C3AR1: variants seen among roughly 807,000 people sequenced by gnomAD.
C3AR1 encodes the protein C3a anaphylatoxin chemotactic receptor.
For missense variants in C3AR1, 579 were observed against 583.5 expected, an observed-to-expected ratio of 0.99 and a Z score of 0.08; for synonymous variants, 208 against 225.3, an observed-to-expected ratio of 0.92 and a Z score of 0.69.
At chr12:8,060,877 C>T (rs1204578622) in intron 1 of C3AR1, among the ~76,000 whole-genome samples, 1 of 152,160 alleles carries the variant, frequency 6.6e-6, no homozygotes, top group Non-Finnish European at 1.5e-5. Flanking sequence ...AATAAGTAAA[C>T]ACACAAAAAT....
rs746183608 is a variant in C3AR1, at chr12:8,065,199, A to C, written c.-11+1079T>G. ...AAAAAAAAGATATATGGTATTGCTA[A>C]TAAAGGGGAAGCTGCCGAGAACTGC... On this transcript the variant is annotated intron_variant, in intron 1 of 1. Coordinates refer to ENST00000307637, the MANE Select transcript of C3AR1 (RefSeq NM_004054.4). Among the ~76,000 whole-genome samples the C allele has an allele frequency of 4.6e-5, 7 of 152,180 alleles. No individual in the cohort carries two copies. The South Asian group carries it at 1.5e-3, about 32-fold the overall frequency.
Position 8,059,781 on chromosome 12 carries a change from A to G in C3AR1, c.405T>C (p.Asn135=). 6.2e-7 allele frequency: 1 copy of G among 1,614,136 alleles called. No individual in the cohort carries two copies. The highest frequency in any genetic ancestry group is 8.5e-7 in the Non-Finnish European group (1 of 1,180,016). Residue 135 remains asparagine, a synonymous_variant, in exon 2 of 2, where the codon AAT becomes AAC. Transcript: ENST00000307637. ...FKPIWCQNHR[N]VGMACSICGC... is the part of the protein sequence containing the mutation. ...CACAGATAGAGCAGGCCATCCCTAC[A>G]TTGCGATGATTCTGACACCAGATTG... is the stretch of plus-strand genomic sequence containing the variant.
chr12:8,063,921 A>G (rs1947304057), intron 1 of C3AR1, among the ~76,000 whole-genome samples: 1 of 151,906 alleles, frequency 6.6e-6, no homozygotes, highest in Admixed American at 6.6e-5. Flanking sequence ...AAAATACAAA[A>G]ATTAGCTGGG....
Position 8,059,307 on chromosome 12 carries a change from A to G in C3AR1, c.879T>C (p.His293=), listed in dbSNP as rs775638059. The change falls in exon 2 of 2, where the codon CAT becomes CAC. Residue 293 remains histidine, a synonymous_variant. Coordinates refer to ENST00000307637, the MANE Select transcript of C3AR1 (RefSeq NM_004054.4). ...LDNSDAFLST[H]LKLFPSASSN... ...TAGAAGCGCTAGGGAACAGCTTTAAATGAGTAGAGAGAAAAGCATCAGAGT... is the reference window on the plus strand; with the variant it reads ...TAGAAGCGCTAGGGAACAGCTTTAAGTGAGTAGAGAGAAAAGCATCAGAGT... 7.4e-6 allele frequency: 12 copies of G among 1,614,222 alleles called. No individual in the cohort carries two copies. The South Asian group carries it at 1.3e-4, about 18-fold the overall frequency.
chr12:8,059,960 G>C lies in C3AR1; in HGVS notation c.226C>G (p.Pro76Ala), dbSNP rs201626033. ...AGAGCCAAGTGAGCCAGCGAGAAGG[G>C]CAAGGAGAGGCAGCAGAGGAGGTCC... ...LADLLCCLSL[P>A]FSLAHLALQG... Residue 76 changes from proline (P) to alanine (A), a missense_variant, in exon 2 of 2, where the codon CCC becomes GCC. Pro to Ala is a conservative substitution (Grantham distance 27). Transcript: ENST00000307637. The C allele has an allele frequency of 6.4e-5, 103 of 1,614,062 alleles. 1 individual carries two copies. The highest frequency in any genetic ancestry group is 1.2e-4 in the Admixed American group (7 of 59,994).
Position 8,058,875 on chromosome 12 carries a change from G to C in C3AR1, c.1311C>G (p.Leu437=). ...CTTTCTTCCTAAAATCTTTCCCCAA[G>C]AGGGCATAAAGGAAGGGATTAAAGC... is the stretch of plus-strand genomic sequence containing the variant. ...NSCFNPFLYA[L]LGKDFRKKAR... Residue 437 remains leucine (L), a synonymous_variant, in exon 2 of 2, where the codon CTC becomes CTG. Transcript: ENST00000307637. 6.2e-7 allele frequency: 1 copy of C among 1,614,156 alleles called. No homozygotes were observed. Among genetic ancestry groups the C allele is most frequent in the Non-Finnish European group, 8.5e-7 (1 of 1,180,028 alleles).
intron 1 of C3AR1, among the ~76,000 whole-genome samples, chr12:8,064,689 C>CGAAAAAA (rs756780848): frequency 7.7e-6 from 1 of 129,464 alleles, no homozygotes; most frequent in African/African-American, 2.9e-5. Context: ...AACTCCATCT[C>CGAAAAAA]AAAAAAAAAA....
intron 1 of C3AR1, 105 bp from the exon 2 acceptor site, chr12:8,060,300 A>G: frequency 1.1e-6 from 1 of 942,346 alleles, no homozygotes; most frequent in Non-Finnish European, 1.6e-6. Context: ...GGATCATGAA[A>G]CCAGAAGGTC....
At position 8,059,015 on chromosome 12, in the gene C3AR1, T is replaced by A; in HGVS notation, c.1171A>T (p.Thr391Ser). ...VVVAVFLVCW[T>S]PYHIFGVLSL... ...AGGACTCCAAAAATGTGGTATGGAGTCCAGCAGACAAGAAAGACAGCCACC... is the reference window on the plus strand; with the variant it reads ...AGGACTCCAAAAATGTGGTATGGAGACCAGCAGACAAGAAAGACAGCCACC... Residue 391 changes from threonine (T) to serine (S), a missense_variant, in exon 2 of 2, where the codon ACT (threonine) becomes TCT (serine). Thr to Ser is a moderately conservative substitution (Grantham distance 58). Transcript: ENST00000307637. 3 of 1,613,628 alleles carry A rather than the reference T, an allele frequency of 1.9e-6. No individual in the cohort carries two copies. The highest frequency in any genetic ancestry group is 1.1e-5 in the South Asian group (1 of 91,060).
At chr12:8,064,857 TTTGTTG>T (rs766088035) in intron 1 of C3AR1, among the ~76,000 whole-genome samples, 3 of 151,644 alleles carry the variant, frequency 2.0e-5, no homozygotes, top group Admixed American at 2.0e-4. Flanking sequence ...CTCTCCTCAT[TTTGTTG>T]TTGTTGTTGT....
intron 1 of C3AR1, 120 bp from the exon 2 acceptor site, chr12:8,060,315 C>T (rs1266199470): frequency 2.1e-5 from 17 of 810,946 alleles, no homozygotes; most frequent in South Asian, 5.4e-5. Flanking sequence ...AAGGTCCTCA[C>T]GCTGTTTTAG....
rs1234679228 is a variant in C3AR1 at position 8,057,074 on chromosome 12, G to C, written c.*1663C>G. Among the ~76,000 whole-genome samples, 1 of 152,132 alleles carries C rather than the reference G, an allele frequency of 6.6e-6. No individual in the cohort carries two copies. Among genetic ancestry groups the C allele is most frequent in the Admixed American group, 6.5e-5 (1 of 15,272 alleles). On this transcript the variant is annotated 3_prime_UTR_variant, in exon 2 of 2. Transcript: ENST00000307637. ...GCCATTGAACAGATAGTGTCTTGCA[G>C]GTCTAAAACACATGTCATTTTCTGT...
At position 8,059,853 on chromosome 12, in the gene C3AR1, G is replaced by A; in HGVS notation, c.333C>T (p.Phe111=). 6.2e-7 allele frequency: 1 copy of A among 1,614,196 alleles called. No individual in the cohort carries two copies. Residue 111 remains phenylalanine (F), a synonymous_variant, in exon 2 of 2, where the codon TTC becomes TTT. Transcript: ENST00000307637. The part of the protein sequence containing the change: ...IIVLNMFASV[F]LLTAISLDRC... ...GATCCAGGCTAATGGCAGTAAGCAG[G>A]AAGACACTGGCAAACATGTTGAGGA... is the stretch of plus-strand genomic sequence containing the variant.
At chr12:8,060,804 A>G (rs1450984108) in intron 1 of C3AR1, among the ~76,000 whole-genome samples, 1 of 152,202 alleles carries the variant, frequency 6.6e-6, no homozygotes, top group Non-Finnish European at 1.5e-5. Flanking sequence ...TGTACTTTCA[A>G]TCTTGGTTTT....
At position 8,056,878 on chromosome 12, in the gene C3AR1, GA is replaced by G. The variant is rs1365367389; in HGVS notation, c.*1858del. Among the ~76,000 whole-genome samples the G allele has an allele frequency of 6.6e-6, 1 of 151,914 alleles. No homozygotes were observed. The highest frequency in any genetic ancestry group is 1.5e-5 in the Non-Finnish European group (1 of 67,974). ...CTCTGAGCCTCGCAAGGACCCATGA[GA>G]AAAAAAGCATTTATTCATATCAAAT... On this transcript the variant is annotated 3_prime_UTR_variant, in exon 2 of 2. Coordinates refer to ENST00000307637, the MANE Select transcript of C3AR1 (RefSeq NM_004054.4).
chr12:8,065,421 C>T (rs1012597176), intron 1 of C3AR1, among the ~76,000 whole-genome samples: 1 of 151,932 alleles, frequency 6.6e-6, no homozygotes, highest in South Asian at 2.1e-4. Flanking sequence ...GAGGCAGAGG[C>T]GGGTAGATCA....
chr12:8,059,009 A>G lies in C3AR1; in HGVS notation c.1177T>C (p.Tyr393His), dbSNP rs749061121. ...VAVFLVCWTP[Y>H]HIFGVLSLLT... ...AATGACAGGACTCCAAAAATGTGGT[A>G]TGGAGTCCAGCAGACAAGAAAGACA... Residue 393 changes from tyrosine (Y) to histidine (H), a missense_variant, in exon 2 of 2, where the codon TAC becomes CAC. Transcript: ENST00000307637. 15 of 1,614,196 alleles carry G rather than the reference A, an allele frequency of 9.3e-6. No homozygotes were observed. In the South Asian group the frequency reaches 1.6e-4, roughly 18 times the overall value.
chr12:8,064,857 TTTG>T lies in C3AR1; in HGVS notation c.-11+1418_-11+1420del, dbSNP rs766088035. ...TGGTAATCATCTCTCCTCTCCTCATTTTGTTGTTGTTGTTGTTGTTTGTTTGTT... is the reference window on the plus strand; with the variant it reads ...TGGTAATCATCTCTCCTCTCCTCATTTTGTTGTTGTTGTTGTTTGTTTGTT... On this transcript the variant is annotated intron_variant, in intron 1 of 1. Transcript: ENST00000307637. Among the ~76,000 whole-genome samples, 139 of 151,756 alleles carry T rather than the reference TTTG, an allele frequency of 9.2e-4. 2 individuals carry two copies. Among genetic ancestry groups the T allele is most frequent in the African/African-American group, 2.9e-3 (119 of 41,362 alleles).
At chr12:8,064,381 A>G (rs1027685383) in intron 1 of C3AR1, among the ~76,000 whole-genome samples, 1 of 152,188 alleles carries the variant, frequency 6.6e-6, no homozygotes, top group Admixed American at 6.5e-5. Flanking sequence ...TAAAATAGCA[A>G]GTCAACAAAA....
Sources: allele counts gnomAD v4.1 joint callset (sites outside exome capture counted in the v4.1 genomes callset), GRCh38; gene constraint gnomAD v4.1.1; transcripts MANE v1.5; gene names NCBI Gene and HGNC (gene_info 2026-07-23, HGNC 2026-07-21).